ARL15: variants seen among roughly 807,000 people sequenced by gnomAD.
The protein encoded by ARL15 is ADP-ribosylation factor-like protein 15.
Under a neutral mutation model 25.2 loss-of-function variants are expected in ARL15, and 19 were observed. The observed-to-expected ratio is 0.75, with a 90% CI of 0.53 to 1.10. The LOEUF is 1.10. ARL15 is among the 50% of genes least tolerant of loss of function. The probability of loss-of-function intolerance (pLI) is 0.00; values close to 1 mark genes in which losing one functional copy is unlikely to be tolerated. For missense variants in ARL15, 220 were observed against 246.0 expected (o/e 0.89, Z 0.71); for synonymous variants, 94 against 86.8 (o/e 1.08, Z -0.46).
At chr5:54,200,568 C>A (rs1193999620) in intron 1 of ARL15, among the ~76,000 whole-genome samples, 1 of 151,760 alleles carries the variant, frequency 6.6e-6, no homozygotes, top group Admixed American at 6.6e-5. Flanking sequence ...TAAGTTACAC[C>A]AGGAAGGATA....
intron 4 of ARL15, among the ~76,000 whole-genome samples, chr5:53,951,168 A>G (rs565485553): frequency 6.6e-6 from 1 of 152,362 alleles, no homozygotes; most frequent in African/African-American, 2.4e-5. Flanking sequence ...TATATTGTCT[A>G]TTGCAGCTGG....
At chr5:53,960,010 A>G (rs1468813184) in intron 4 of ARL15, among the ~76,000 whole-genome samples, 3 of 152,234 alleles carry the variant, frequency 2.0e-5, no homozygotes, top group Non-Finnish European at 4.4e-5. Flanking sequence ...ATTTGTCGAA[A>G]GAATTAATGA....
chr5:54,254,501 C>G (rs1489433896), intron 1 of ARL15, among the ~76,000 whole-genome samples: 1 of 152,188 alleles, frequency 6.6e-6, no homozygotes, highest in Admixed American at 6.5e-5. Context: ...TCTTTTATGA[C>G]TAATCTTAAT....
At chr5:54,021,598 T>C (rs993215936) in intron 4 of ARL15, among the ~76,000 whole-genome samples, 9 of 152,084 alleles carry the variant, frequency 5.9e-5, no homozygotes, top group African/African-American at 2.2e-4. Flanking sequence ...AGAGAAAAAG[T>C]CTAAAAACAA....
chr5:54,184,499 T>C (rs1174833117), intron 1 of ARL15, among the ~76,000 whole-genome samples: 3 of 133,594 alleles, frequency 2.2e-5, no homozygotes, highest in South Asian at 2.4e-4. Context: ...GTTCCACAAG[T>C]AGACCTTCAA....
rs866605685 is a variant in ARL15 at position 53,886,336 on chromosome 5, A to C, written c.*225T>G. 2.3e-5 allele frequency: 11 copies of C among 481,020 alleles called. No individual in the cohort carries two copies. The highest frequency in any genetic ancestry group is 5.7e-4 in the Middle Eastern group (1 of 1,762). The allele number at this position is 481,020 out of a possible 1,614,324, so 29.8% of individuals were successfully genotyped here. A position where few individuals can be genotyped will look rare whatever the true frequency, so the allele number is the denominator to read the frequency against. On this transcript the variant is annotated 3_prime_UTR_variant, in exon 5 of 5. Transcript: ENST00000504924. ...CATGCGGGGAAGATAATTAGTGGTAAACAGAGAATAAATTCTCTCTCAGTA... is the reference window on the plus strand; with the variant it reads ...CATGCGGGGAAGATAATTAGTGGTACACAGAGAATAAATTCTCTCTCAGTA...
At chr5:54,227,448 CG>C (rs1756556087) in intron 1 of ARL15, among the ~76,000 whole-genome samples, 1 of 152,170 alleles carries the variant, frequency 6.6e-6, no homozygotes, top group Non-Finnish European at 1.5e-5. Flanking sequence ...TTACTATGAG[CG>C]GCTTTTTATC....
At chr5:54,047,454 GAAA>G (rs1750557948) in intron 4 of ARL15, among the ~76,000 whole-genome samples, 2 of 152,160 alleles carry the variant, frequency 1.3e-5, no homozygotes, top group South Asian at 4.1e-4. Flanking sequence ...AGGCAGAGAA[GAAA>G]GTAATTATCT....
Position 54,097,093 on chromosome 5 carries a change from G to A in ARL15, c.462+16109C>T, listed in dbSNP as rs149714464. ...TGTCTAACACAGGCCGGGCACAGTG[G>A]CTCATGAGGTCAAGAGATCAAGACC... On this transcript the variant is annotated intron_variant, in intron 4 of 4. Transcript: ENST00000504924. Among the ~76,000 whole-genome samples, 652 of 152,068 alleles carry A rather than the reference G, an allele frequency of 4.3e-3. 4 individuals are homozygous for A. Among genetic ancestry groups the A allele is most frequent in the South Asian group, 0.015 (74 of 4,808 alleles).
At chr5:53,976,270 A>G (rs2112198911) in intron 4 of ARL15, among the ~76,000 whole-genome samples, 1 of 152,296 alleles carries the variant, frequency 6.6e-6, no homozygotes, top group South Asian at 2.1e-4. Flanking sequence ...GGCTGAGTCT[A>G]GAGTAGAAAG....
At chr5:54,035,671 G>A (rs896223093) in intron 4 of ARL15, among the ~76,000 whole-genome samples, 1 of 152,112 alleles carries the variant, frequency 6.6e-6, no homozygotes, top group Non-Finnish European at 1.5e-5. Context: ...ATAATGTAAT[G>A]ATAAAGCCCA....
At chr5:53,997,962 A>C (rs1748735192) in intron 4 of ARL15, among the ~76,000 whole-genome samples, 1 of 151,944 alleles carries the variant, frequency 6.6e-6, no homozygotes, top group Non-Finnish European at 1.5e-5. Context: ...ATAATCCCTC[A>C]CCTTAAACAC....
At chr5:54,080,822 T>C (rs1007248998) in intron 4 of ARL15, among the ~76,000 whole-genome samples, 4 of 152,132 alleles carry the variant, frequency 2.6e-5, no homozygotes, top group African/African-American at 9.7e-5. Flanking sequence ...CAGAAGAAGA[T>C]GGGGACCTGA....
intron 4 of ARL15, among the ~76,000 whole-genome samples, chr5:53,945,996 T>C (rs1746713563): frequency 6.6e-6 from 1 of 152,206 alleles, no homozygotes; most frequent in Non-Finnish European, 1.5e-5. Flanking sequence ...CATTTGACCC[T>C]GATATTCCAC....
chr5:53,915,435 T>C (rs951630176), intron 4 of ARL15, among the ~76,000 whole-genome samples: 10 of 152,130 alleles, frequency 6.6e-5, no homozygotes, highest in African/African-American at 2.4e-4. Flanking sequence ...CAGAAGAGGG[T>C]GTGAGATTTA....
At chr5:53,901,690 C>G (rs1175490421) in intron 4 of ARL15, among the ~76,000 whole-genome samples, 1 of 151,590 alleles carries the variant, frequency 6.6e-6, no homozygotes, top group Non-Finnish European at 1.5e-5. Flanking sequence ...GGGTGCACAT[C>G]CTGATATTAC....
intron 4 of ARL15, among the ~76,000 whole-genome samples, chr5:53,895,717 A>T (rs1238144049): frequency 6.6e-6 from 1 of 152,200 alleles, no homozygotes; most frequent in Non-Finnish European, 1.5e-5. Flanking sequence ...TAACAATTAC[A>T]TTTATGGTGC....
At chr5:54,280,181 C>T (rs1352889732) in intron 1 of ARL15, among the ~76,000 whole-genome samples, 1 of 152,218 alleles carries the variant, frequency 6.6e-6, no homozygotes, top group Non-Finnish European at 1.5e-5. Flanking sequence ...GTCAGACCTA[C>T]AGCATGGTCT....
In ARL15 at chr5:53,886,694, A is replaced by T; in HGVS notation, c.482T>A (p.Leu161His). 6.4e-7 allele frequency: 1 copy of T among 1,559,106 alleles called. No homozygotes were observed. Among genetic ancestry groups the T allele is most frequent in the Non-Finnish European group, 8.7e-7 (1 of 1,153,082 alleles). Reference protein sequence around the residue: ...SVQEIKKYFELEPLARGKRWI... With the variant: ...SVQEIKKYFEHEPLARGKRWI... Reference sequence around the variant, plus strand: ...GCGTTTTCCACGTGCAAGTGGTTCAAGTTCAAAATATTTTTTGATCTTAAG... The same window carrying T: ...GCGTTTTCCACGTGCAAGTGGTTCATGTTCAAAATATTTTTTGATCTTAAG... Residue 161 changes from leucine to histidine, a missense_variant, in exon 5 of 5, where the codon CTT becomes CAT. By Grantham distance (99) the Leu-to-His change is moderately conservative. Coordinates refer to ENST00000504924, the MANE Select transcript of ARL15 (RefSeq NM_019087.3).
Sources: gnomAD v4.1 joint callset for allele counts (sites outside exome capture counted in the v4.1 genomes callset) on GRCh38, gnomAD v4.1.1 for gene constraint, MANE v1.5 for transcripts, NCBI Gene and HGNC (gene_info 2026-07-23, HGNC 2026-07-21) for gene names.